Variants in SRPK1 observed in about 807,000 individuals in gnomAD.
SRPK1 encodes the protein SRSF protein kinase 1.
In SRPK1, 52 loss-of-function variants were observed where a neutral mutation model predicts 89.5. The observed-to-expected ratio is 0.58, with a 90% CI of 0.46 to 0.73. SRPK1 has a LOEUF of 0.73. Among genes scored for constraint, SRPK1 ranks in the 30% least tolerant of loss-of-function variants. The probability of loss-of-function intolerance (pLI) is 0.00; values close to 1 mark genes in which losing one functional copy is unlikely to be tolerated. For missense variants in SRPK1, 603 were observed against 780.6 expected (o/e 0.77, Z 2.71); for synonymous variants, 255 against 270.2 (o/e 0.94, Z 0.55).
intron 15 of SRPK1, among the ~76,000 whole-genome samples, chr6:35,837,998 A>G (rs894310474): frequency 6.6e-6 from 1 of 151,212 alleles, no homozygotes; most frequent in Non-Finnish European, 1.5e-5. Context: ...CCTCCTGAGT[A>G]GCTGGGATTA....
Position 35,857,248 on chromosome 6 carries a change from G to C in SRPK1, c.1620+13C>G, listed in dbSNP as rs990562091. ...CCACTTAACAAGTGAAAGCCAAGGG[G>C]AAAAAACATTACCATGCATGCCGTG... On this transcript the variant is annotated intron_variant, in intron 13 of 15. Transcript: ENST00000373825. 1 of 1,597,886 alleles carries C rather than the reference G, an allele frequency of 6.3e-7. No homozygotes were observed. The highest frequency in any genetic ancestry group is 1.3e-5 in the African/African-American group (1 of 74,806).
At chr6:35,901,734 A>G (rs1255776278) in intron 2 of SRPK1, among the ~76,000 whole-genome samples, 1 of 152,176 alleles carries the variant, frequency 6.6e-6, no homozygotes, top group East Asian at 1.9e-4. Flanking sequence ...ACACAATGGA[A>G]CTCAATAAAT....
intron 13 of SRPK1, among the ~76,000 whole-genome samples, chr6:35,843,171 C>T (rs573115403): frequency 7.9e-5 from 12 of 151,126 alleles, no homozygotes; most frequent in African/African-American, 2.2e-4. Context: ...GGTTTCACTG[C>T]GTTAGCCAGG....
chr6:35,869,403 C>A, intron 11 of SRPK1, 79 bp downstream of exon 11: 1 of 1,497,580 alleles, frequency 6.7e-7, no homozygotes, highest in South Asian at 1.3e-5. Context: ...GTTACAAAAA[C>A]AATCATACTT....
In SRPK1 at chr6:35,869,812, C is replaced by T. The variant is rs772351769; in HGVS notation, c.1081G>A (p.Glu361Lys). 6.2e-7 allele frequency: 1 copy of T among 1,613,482 alleles called. No homozygotes were observed. Among genetic ancestry groups the T allele is most frequent in the Non-Finnish European group, 8.5e-7 (1 of 1,179,648 alleles). Residue 361 changes from glutamate to lysine, a missense_variant, in exon 11 of 16, where the codon GAA (glutamate) becomes AAA (lysine). Physicochemically the swap from Glu to Lys is moderately conservative, Grantham distance 56 (BLOSUM62 1). Transcript: ENST00000373825. ...CTGTTCTGAGTATAATTAATGACTT[C>T]AATCACTCCATTGCAATTAATTTCT... is the stretch of plus-strand genomic sequence containing the variant. ...AAEINCNGVI[E>K]VINYTQNSNN...
chr6:35,849,097 G>A (rs1769482298), intron 13 of SRPK1, among the ~76,000 whole-genome samples: 1 of 151,816 alleles, frequency 6.6e-6, no homozygotes, highest in African/African-American at 2.4e-5. Context: ...ATTTGATAGG[G>A]GTTAATATCC....
At chr6:35,853,879 C>T (rs1293343862) in intron 13 of SRPK1, among the ~76,000 whole-genome samples, 13 of 140,756 alleles carry the variant, frequency 9.2e-5, no homozygotes, top group Admixed American at 7.2e-4. Flanking sequence ...CTCCAGCATT[C>T]GGAGATTGTT....
intron 2 of SRPK1, among the ~76,000 whole-genome samples, chr6:35,905,252 T>C (rs758945695): frequency 6.6e-6 from 1 of 152,146 alleles, no homozygotes; most frequent in Non-Finnish European, 1.5e-5. Context: ...GACGTGGTAA[T>C]AGTGGACCCA....
At chr6:35,867,803 CA>C (rs1769938618) in intron 12 of SRPK1, among the ~76,000 whole-genome samples, 2 of 152,006 alleles carry the variant, frequency 1.3e-5, no homozygotes, top group South Asian at 4.1e-4. Context: ...GGTGACAGAG[CA>C]AGACTCCGTC....
chr6:35,848,845 T>C (rs987019157), intron 13 of SRPK1, among the ~76,000 whole-genome samples: 23 of 151,962 alleles, frequency 1.5e-4, no homozygotes, highest in African/African-American at 4.6e-4. Flanking sequence ...AATACAAAAA[T>C]CGAAATGGAT....
At chr6:35,879,857 A>C (rs2127252390) in intron 6 of SRPK1, among the ~76,000 whole-genome samples, 1 of 152,192 alleles carries the variant, frequency 6.6e-6, no homozygotes, top group African/African-American at 2.4e-5. Context: ...GGACTGCTTG[A>C]ACCCAGGAGT....
chr6:35,920,539 G>C lies in SRPK1; in HGVS notation c.14-11C>G. On this transcript the variant is annotated splice_polypyrimidine_tract_variant and intron_variant, in intron 1 of 15. Coordinates refer to ENST00000373825, the MANE Select transcript of SRPK1 (RefSeq NM_003137.5). ...CCTGGAGCGCAAGCACTGCAGGAGAGAGGGATGGATGAAGGGCGAATGTGG... is the reference window on the plus strand; with the variant it reads ...CCTGGAGCGCAAGCACTGCAGGAGACAGGGATGGATGAAGGGCGAATGTGG... 2 of 1,612,726 alleles carry C rather than the reference G, an allele frequency of 1.2e-6. No individual in the cohort carries two copies. The highest frequency in any genetic ancestry group is 1.7e-6 in the Non-Finnish European group (2 of 1,179,186).
chr6:35,914,711 C>T (rs1393655829), intron 2 of SRPK1, among the ~76,000 whole-genome samples: 2 of 152,178 alleles, frequency 1.3e-5, no homozygotes, highest in Non-Finnish European at 2.9e-5. Flanking sequence ...TTTTCTTTCA[C>T]TGCTGAATCC....
chr6:35,842,723 ATT>A (rs71652741), intron 13 of SRPK1, 119 bp from the exon 14 acceptor site: 1 of 445,540 alleles, frequency 2.2e-6, no homozygotes, highest in Non-Finnish European at 3.8e-6. Context: ...CTTATAGATC[ATT>A]TAAAAAAAAA....
intron 6 of SRPK1, 96 bp from the exon 7 acceptor site, chr6:35,874,435 C>A: frequency 1.2e-6 from 1 of 832,098 alleles, no homozygotes; most frequent in Non-Finnish European, 2.0e-6. Context: ...GTATTATTTT[C>A]TTTCAGTATA....
At chr6:35,876,984 G>A (rs1448731979) in intron 6 of SRPK1, among the ~76,000 whole-genome samples, 2 of 152,148 alleles carry the variant, frequency 1.3e-5, no homozygotes, top group African/African-American at 4.8e-5. Context: ...GAGAAATTTG[G>A]AGATTTGCAG....
rs754670580 is a variant in SRPK1, at chr6:35,869,591, A to G, written c.1302T>C (p.Gly434=). The change falls in exon 11 of 16, where the codon GGT becomes GGC. Residue 434 remains glycine, a synonymous_variant. Coordinates refer to ENST00000373825, the MANE Select transcript of SRPK1 (RefSeq NM_003137.5). ...TMVCQSSSTV[G]QSFSEQHISQ... ...TAATGTGTTGTTCACTGAATGACTGACCTACAGTTGAGGAAGACTGGCACA... is the reference window on the plus strand; with the variant it reads ...TAATGTGTTGTTCACTGAATGACTGGCCTACAGTTGAGGAAGACTGGCACA... The G allele has an allele frequency of 1.9e-6, 3 of 1,613,966 alleles. No homozygotes were observed. The South Asian group carries it at 3.3e-5, about 18-fold the overall frequency.
At chr6:35,873,929 C>T (rs576298240) in intron 7 of SRPK1, among the ~76,000 whole-genome samples, 3 of 152,098 alleles carry the variant, frequency 2.0e-5, no homozygotes, top group African/African-American at 7.2e-5. Flanking sequence ...TGGGTTCACG[C>T]CATTCTCCTG....
Position 35,872,693 on chromosome 6 carries a change from G to C in SRPK1, c.621C>G (p.Cys207Trp). The change falls in exon 8 of 16, where the codon TGC becomes TGG. Residue 207 changes from cysteine to tryptophan, a missense_variant. Cys to Trp is a radical substitution (Grantham distance 215). Transcript: ENST00000373825. ...LQGLDYLHTK[C>W]RIIHTDIKPE... Reference sequence around the variant, plus strand: ...GTTTAATGTCAGTGTGGATGATACGGCACTTGGTATGTAAATAATCAAGAC... The same window carrying C: ...GTTTAATGTCAGTGTGGATGATACGCCACTTGGTATGTAAATAATCAAGAC... The C allele has an allele frequency of 6.2e-7, 1 of 1,608,820 alleles. No homozygotes were observed. Among genetic ancestry groups the C allele is most frequent in the Non-Finnish European group, 8.5e-7 (1 of 1,177,724 alleles).
Sources: gnomAD v4.1 joint callset for allele counts (sites outside exome capture counted in the v4.1 genomes callset) on GRCh38, gnomAD v4.1.1 for gene constraint, MANE v1.5 for transcripts, NCBI Gene and HGNC (gene_info 2026-07-23, HGNC 2026-07-21) for gene names.